NUMB: variants seen among roughly 807,000 people sequenced by gnomAD.
NUMB encodes the protein NUMB endocytic adaptor protein, also known as protein numb homolog.
A neutral mutation model predicts 59.7 loss-of-function variants in NUMB; 29 were observed. The observed-to-expected ratio is 0.49, with a 90% CI of 0.36 to 0.66. The LOEUF (loss-of-function observed/expected upper bound fraction) is 0.66, where lower values mean the gene tolerates loss of function less well. Ranked by LOEUF, NUMB falls within the 30% of genes least tolerant of loss-of-function variation. The pLI, the probability that NUMB is intolerant of heterozygous loss-of-function variation, is 0.00. For synonymous variants in NUMB, 288 were observed against 288.2 expected, an observed-to-expected ratio of 1.00 and a Z score of 0.01; for missense variants, 723 against 822.0, an observed-to-expected ratio of 0.88 and a Z score of 1.47.
chr14:73,422,908 CAAAAAA>C (rs143271018), intron 1 of NUMB, among the ~76,000 whole-genome samples: 1 of 123,116 alleles, frequency 8.1e-6, no homozygotes, highest in Non-Finnish European at 1.8e-5. Context: ...GATCCTGTCT[CAAAAAA>C]AAAAAAAAAA....
intron 1 of NUMB, among the ~76,000 whole-genome samples, chr14:73,428,920 T>C (rs1483385045): frequency 6.6e-6 from 1 of 152,222 alleles, no homozygotes; most frequent in Non-Finnish European, 1.5e-5. Context: ...GTAATTTATA[T>C]ATACTCTCCT....
At chr14:73,457,960 T>C (rs1357002968) in intron 1 of NUMB, 1 of 152,488 alleles carries the variant, frequency 6.6e-6, no homozygotes, top group Non-Finnish European at 1.5e-5. Context: ...TCGGCCTTCC[T>C]ACCTCCCTCG....
chr14:73,441,211 T>A (rs77460533), intron 1 of NUMB, among the ~76,000 whole-genome samples: 18,005 of 152,028 alleles, frequency 0.12, 1,610 homozygotes, highest in Non-Finnish European at 0.17. Flanking sequence ...ATGAGAAGAT[T>A]CTCAACATCA....
intron 1 of NUMB, among the ~76,000 whole-genome samples, chr14:73,438,524 G>A (rs1882787970): frequency 6.6e-6 from 1 of 151,678 alleles, no homozygotes. Context: ...CCAGCTACAT[G>A]GGAGGCCAAG....
chr14:73,304,421 C>T (rs1293442628), intron 6 of NUMB, among the ~76,000 whole-genome samples: 1 of 152,152 alleles, frequency 6.6e-6, no homozygotes, highest in Admixed American at 6.6e-5. Context: ...AGTCATCTAC[C>T]CACCTCAGCC....
intron 4 of NUMB, among the ~76,000 whole-genome samples, chr14:73,351,391 G>T (rs1200714709): frequency 6.6e-6 from 1 of 152,158 alleles, no homozygotes; most frequent in Non-Finnish European, 1.5e-5. Context: ...AGCATCATTT[G>T]AACCCTAGAG....
chr14:73,410,464 G>A lies in NUMB; in HGVS notation c.-232-396C>T, dbSNP rs138085452. ...TCCCTTGCTGTAAGAACTTTGATACGTCTCTATGGGATTGATTTTATCATC... is the reference window on the plus strand; with the variant it reads ...TCCCTTGCTGTAAGAACTTTGATACATCTCTATGGGATTGATTTTATCATC... On this transcript the variant is annotated intron_variant, in intron 1 of 12. Coordinates refer to ENST00000555238, the MANE Select transcript of NUMB (RefSeq NM_001005743.2). 1.1e-3 allele frequency among the ~76,000 whole-genome samples: 165 copies of A among 152,234 alleles called. 1 individual carries two copies. Among genetic ancestry groups the A allele is most frequent in the Admixed American group, 2.6e-3 (39 of 15,278 alleles).
At chr14:73,278,213 C>T (rs1399383811) in intron 12 of NUMB, among the ~76,000 whole-genome samples, 1 of 152,152 alleles carries the variant, frequency 6.6e-6, no homozygotes, top group East Asian at 1.9e-4. Context: ...GGTGAACTGC[C>T]TTTATTACTA....
At chr14:73,309,308 C>G (rs774057101) in intron 6 of NUMB, among the ~76,000 whole-genome samples, 2 of 152,122 alleles carry the variant, frequency 1.3e-5, no homozygotes, top group African/African-American at 4.8e-5. Flanking sequence ...ATAGCAAAGA[C>G]TTGGAACCAA....
At chr14:73,455,716 G>C (rs1328575127) in intron 1 of NUMB, among the ~76,000 whole-genome samples, 1 of 152,042 alleles carries the variant, frequency 6.6e-6, no homozygotes. Flanking sequence ...TCTCTAAAAA[G>C]GAAATATCTT....
At chr14:73,334,076 A>G (rs1218471541) in intron 4 of NUMB, among the ~76,000 whole-genome samples, 18 of 139,914 alleles carry the variant, frequency 1.3e-4, no homozygotes, top group African/African-American at 4.6e-4. Context: ...TTCGAGATGG[A>G]GTTTCGTTCT....
intron 8 of NUMB, among the ~76,000 whole-genome samples, chr14:73,290,075 A>G (rs1472900514): frequency 6.6e-6 from 1 of 152,192 alleles, no homozygotes; most frequent in Non-Finnish European, 1.5e-5. Context: ...CAGTAGAACT[A>G]TTGGCCTAGG....
At chr14:73,400,233 G>A (rs1896348501) in intron 2 of NUMB, among the ~76,000 whole-genome samples, 1 of 152,118 alleles carries the variant, frequency 6.6e-6, no homozygotes, top group Non-Finnish European at 1.5e-5. Flanking sequence ...CACAACTATG[G>A]AGACAGGAAA....
chr14:73,323,843 T>A (rs1891528554), intron 4 of NUMB, among the ~76,000 whole-genome samples: 1 of 152,148 alleles, frequency 6.6e-6, no homozygotes, highest in Admixed American at 6.5e-5. Context: ...GAGAAATACA[T>A]AAAGTTATAG....
intron 3 of NUMB, among the ~76,000 whole-genome samples, chr14:73,359,731 AC>A (rs1193841291): frequency 3.9e-5 from 6 of 152,172 alleles, no homozygotes; most frequent in Non-Finnish European, 7.3e-5. Flanking sequence ...AAAAAATGCC[AC>A]TGAAAAAATT....
Position 73,275,848 on chromosome 14 carries a change from A to G in NUMB, c.*730T>C, listed in dbSNP as rs1235669018. 1.3e-5 allele frequency: 2 copies of G among 152,654 alleles called. No homozygotes were observed. Among genetic ancestry groups the G allele is most frequent in the African/African-American group, 2.4e-5 (1 of 41,460 alleles). The allele number at this position is 152,654 out of a possible 1,614,324, so 9.5% of individuals were successfully genotyped here. Reference sequence around the variant, plus strand: ...TTCCAGCCTTTCCTCTTTTTATTTCAGTAGGCATCAATGATAAATCAATCT... The same window carrying G: ...TTCCAGCCTTTCCTCTTTTTATTTCGGTAGGCATCAATGATAAATCAATCT... On this transcript the variant is annotated 3_prime_UTR_variant, in exon 13 of 13. Transcript: ENST00000555238.
At chr14:73,278,809 A>T in intron 12 of NUMB, among the ~76,000 whole-genome samples, 1 of 146,280 alleles carries the variant, frequency 6.8e-6, no homozygotes, top group East Asian at 2.0e-4. Flanking sequence ...CTCACGGCAA[A>T]CTCTGTCTCC....
In NUMB at chr14:73,412,632, G is replaced by GAAA. The variant is rs1180955520; in HGVS notation, c.-232-2567_-232-2565dup. ...ACAAGAGCGAAACTCCGTCTCAAAA[G>GAAA]AAAAAAAAAAAAAAAAAAGAGATGG... On this transcript the variant is annotated intron_variant, in intron 1 of 12. Coordinates refer to ENST00000555238, the MANE Select transcript of NUMB (RefSeq NM_001005743.2). Among the ~76,000 whole-genome samples, 36 of 92,504 alleles carry GAAA rather than the reference G, an allele frequency of 3.9e-4. 1 individual carries two copies. The highest frequency in any genetic ancestry group is 1.4e-3 in the African/African-American group (34 of 24,498). The allele number at this position is 92,504 out of a possible 152,430, so 60.7% of individuals were successfully genotyped here.
chr14:73,417,548 TCTC>T, intron 1 of NUMB, among the ~76,000 whole-genome samples: 1 of 147,426 alleles, frequency 6.8e-6, no homozygotes. Context: ...TGAGACCCTC[TCTC>T]AAAAAAAAAA....
Sources: gnomAD v4.1 joint callset for allele counts (sites outside exome capture counted in the v4.1 genomes callset) on GRCh38, gnomAD v4.1.1 for gene constraint, MANE v1.5 for transcripts, NCBI Gene and HGNC (gene_info 2026-07-23, HGNC 2026-07-21) for gene names.